NRG1: variants seen among roughly 807,000 people sequenced by gnomAD.
The protein encoded by NRG1 is pro-neuregulin-1, membrane-bound isoform.
In NRG1, 18 loss-of-function variants were observed where a neutral mutation model predicts 63.8. The observed-to-expected ratio is 0.28, with a 90% CI of 0.19 to 0.42. The LOEUF (loss-of-function observed/expected upper bound fraction) is 0.42. Among genes scored for constraint, NRG1 ranks in the 10% least tolerant of loss-of-function variants. The probability of loss-of-function intolerance (pLI) is 1.00; values close to 1 mark genes in which losing one functional copy is unlikely to be tolerated. For missense variants in NRG1, 762 were observed against 814.7 expected (o/e 0.94, Z 0.79); for synonymous variants, 302 against 301.3 (o/e 1.00, Z -0.02).
intron 1 of NRG1, among the ~76,000 whole-genome samples, chr8:31,786,756 A>G (rs1820211753): frequency 6.6e-6 from 1 of 152,190 alleles, no homozygotes; most frequent in Admixed American, 6.5e-5. Flanking sequence ...GTGTAAGGTA[A>G]GGCATGGGTG....
chr8:31,711,716 C>CA (rs1811768210), intron 1 of NRG1, among the ~76,000 whole-genome samples: 1 of 152,178 alleles, frequency 6.6e-6, no homozygotes, highest in Non-Finnish European at 1.5e-5. Flanking sequence ...GGCTTATGAA[C>CA]AACAGAAATT....
chr8:31,657,264 A>G (rs545551836), intron 1 of NRG1, among the ~76,000 whole-genome samples: 1 of 152,198 alleles, frequency 6.6e-6, no homozygotes, highest in Non-Finnish European at 1.5e-5. Flanking sequence ...GCTAAGTGTT[A>G]TATTTCTGAA....
chr8:32,240,153 A>G (rs1847957522), intron 1 of NRG1, among the ~76,000 whole-genome samples: 1 of 152,178 alleles, frequency 6.6e-6, no homozygotes, highest in East Asian at 1.9e-4. Context: ...AACAACCCAA[A>G]TATCCTTAGA....
chr8:32,596,833 C>T (rs557059411), intron 2 of NRG1, among the ~76,000 whole-genome samples: 1 of 152,166 alleles, frequency 6.6e-6, no homozygotes, highest in African/African-American at 2.4e-5. Context: ...TAAAGCACAT[C>T]ATCATTCTAG....
At chr8:32,402,352 C>T (rs1315870606) in intron 1 of NRG1, among the ~76,000 whole-genome samples, 2 of 152,120 alleles carry the variant, frequency 1.3e-5, no homozygotes, top group Non-Finnish European at 2.9e-5. Flanking sequence ...GTGCAGTGGG[C>T]CCCCTCTGAT....
intron 1 of NRG1, among the ~76,000 whole-genome samples, chr8:31,702,265 T>C (rs1047479119): frequency 6.6e-6 from 1 of 152,206 alleles, no homozygotes; most frequent in African/African-American, 2.4e-5. Flanking sequence ...CTTTGACATC[T>C]ATTATGATAA....
chr8:32,760,984 A>ATGCTG (rs1489603961), intron 11 of NRG1: 2 of 986,154 alleles, frequency 2.0e-6, no homozygotes, highest in African/African-American at 3.5e-5. Flanking sequence ...AATCTCTTGG[A>ATGCTG]TGCTGCGTCT....
At chr8:31,910,494 C>A (rs1832851459) in intron 1 of NRG1, among the ~76,000 whole-genome samples, 1 of 151,982 alleles carries the variant, frequency 6.6e-6, no homozygotes, top group African/African-American at 2.4e-5. Flanking sequence ...ATGAAAAAGA[C>A]CAGTTAGAAG....
chr8:31,868,147 T>TAC (rs1047085862), intron 1 of NRG1, among the ~76,000 whole-genome samples: 3,726 of 32,462 alleles, frequency 0.11, 63 homozygotes, highest in Non-Finnish European at 0.17. Flanking sequence ...ACATACATCT[T>TAC]ACACACACAC....
chr8:32,485,470 CTTAA>C (rs1825794828), intron 1 of NRG1, among the ~76,000 whole-genome samples: 1 of 152,138 alleles, frequency 6.6e-6, no homozygotes, highest in Non-Finnish European at 1.5e-5. Flanking sequence ...TCTATCTTTC[CTTAA>C]TTGTTTACAT....
At chr8:32,614,138 C>G (rs1846877758) in intron 3 of NRG1, among the ~76,000 whole-genome samples, 2 of 152,004 alleles carry the variant, frequency 1.3e-5, no homozygotes, top group South Asian at 4.1e-4. Context: ...AGATCTGTAA[C>G]TTAAAAATTC....
chr8:31,678,032 T>TA (rs369465452), intron 1 of NRG1, among the ~76,000 whole-genome samples: 31,453 of 145,648 alleles, frequency 0.22, 3,672 homozygotes, highest in Non-Finnish European at 0.26. Flanking sequence ...AATGATAAAT[T>TA]AAAAAAAAAA....
intron 1 of NRG1, among the ~76,000 whole-genome samples, chr8:31,914,624 T>G (rs1833227306): frequency 6.6e-6 from 1 of 152,156 alleles, no homozygotes; most frequent in Non-Finnish European, 1.5e-5. Context: ...ACAAACATTT[T>G]AAGGTACCCA....
At chr8:32,760,309 C>A in exon 11 of NRG1, 1 of 1,614,044 alleles carries the variant, frequency 6.2e-7, no homozygotes, top group Non-Finnish European at 8.5e-7. Context: ...CCCAAGAGGA[C>A]GTCTTAATGG....
chr8:31,797,535 T>C (rs1033952968), intron 1 of NRG1, among the ~76,000 whole-genome samples: 1 of 152,180 alleles, frequency 6.6e-6, no homozygotes, highest in Non-Finnish European at 1.5e-5. Context: ...GTGCAGCCAT[T>C]ATGGAAAATA....
chr8:32,481,300 CTGCACACCAGCCTGGGTAACCCAT>C (rs1825248153), intron 1 of NRG1, among the ~76,000 whole-genome samples: 3 of 152,178 alleles, frequency 2.0e-5, no homozygotes, highest in Admixed American at 2.0e-4. Flanking sequence ...GATTGCACCA[CTGCACACCAGCCTGGGTAACCCAT>C]TGAGAACCTG....
intron 1 of NRG1, among the ~76,000 whole-genome samples, chr8:32,137,310 T>C (rs960540409): frequency 1.3e-5 from 2 of 151,980 alleles, no homozygotes; most frequent in African/African-American, 4.8e-5. Flanking sequence ...GGCCTGGTGG[T>C]GCATGCCTGT....
At chr8:31,928,076 T>C (rs922848306) in intron 1 of NRG1, among the ~76,000 whole-genome samples, 2 of 150,792 alleles carry the variant, frequency 1.3e-5, no homozygotes, top group African/African-American at 4.9e-5. Context: ...TCCTTTTTAA[T>C]GTTATATTAT....
chr8:32,401,941 G>C (rs778874825), intron 1 of NRG1, among the ~76,000 whole-genome samples: 1 of 152,106 alleles, frequency 6.6e-6, no homozygotes, highest in Non-Finnish European at 1.5e-5. Flanking sequence ...ACAGAGTCTT[G>C]TTCTTGTTGC....
Sources: allele counts gnomAD v4.1 joint callset (sites outside exome capture counted in the v4.1 genomes callset), GRCh38; gene constraint gnomAD v4.1.1; transcripts MANE v1.5; gene names NCBI Gene and HGNC (gene_info 2026-07-23, HGNC 2026-07-21).